Variants in PRMT8 observed in about 807,000 individuals in gnomAD.
PRMT8 encodes protein arginine N-methyltransferase 8.
PRMT8 carries 7 observed loss-of-function variants against 47.1 expected under a neutral mutation model. That is an observed-to-expected ratio of 0.15 (90% CI 0.08 to 0.28). The LOEUF is 0.28. Among genes scored for constraint, PRMT8 ranks in the 10% least tolerant of loss-of-function variants. The probability of loss-of-function intolerance (pLI) is 1.00; values close to 1 mark genes in which losing one functional copy is unlikely to be tolerated. For missense variants in PRMT8, 237 were observed against 505.4 expected (o/e 0.47, Z 5.09); for synonymous variants, 188 against 186.5 (o/e 1.01, Z -0.07).
At chr12:3,382,745 C>T (rs567134701) in intron 1 of PRMT8, among the ~76,000 whole-genome samples, 1 of 152,066 alleles carries the variant, frequency 6.6e-6, no homozygotes, top group Non-Finnish European at 1.5e-5. Context: ...TCAATTTTTC[C>T]TTTTATGAAA....
At chr12:3,485,621 T>C in intron 1 of PRMT8, among the ~76,000 whole-genome samples, 1 of 152,202 alleles carries the variant, frequency 6.6e-6, no homozygotes, top group East Asian at 1.9e-4. Context: ...ATAACTTGGA[T>C]CTACATGTAG....
intron 2 of PRMT8, among the ~76,000 whole-genome samples, chr12:3,541,013 C>G (rs1866218820): frequency 6.6e-6 from 1 of 152,172 alleles, no homozygotes; most frequent in African/African-American, 2.4e-5. Flanking sequence ...CTGTATACTC[C>G]ACAGCCAGAG....
chr12:3,437,304 A>G (rs894519594), intron 1 of PRMT8, among the ~76,000 whole-genome samples: 2 of 152,116 alleles, frequency 1.3e-5, no homozygotes, highest in Non-Finnish European at 2.9e-5. Flanking sequence ...ATTTATTTAT[A>G]ATAGCTACAT....
rs1020017311 is a variant in PRMT8, at chr12:3,593,639, T to G, written c.*457T>G. The G allele has an allele frequency of 5.0e-6, 1 of 198,360 alleles. No homozygotes were observed. The highest frequency in any genetic ancestry group is 2.4e-5 in the African/African-American group (1 of 41,766). The allele number at this position is 198,360 out of a possible 1,614,324, so 12.3% of individuals were successfully genotyped here. On this transcript the variant is annotated 3_prime_UTR_variant, in exon 10 of 10. Transcript: ENST00000382622. The surrounding 1 kb of genome is among the most constrained non-coding windows in gnomAD (Gnocchi z 4.8). ...GTGCGTGTGCGTGCATGTGTGAATG[T>G]GAGCAGCATAGTTGATATTTACCCA...
intron 1 of PRMT8, among the ~76,000 whole-genome samples, chr12:3,423,722 C>T (rs191241661): frequency 9.8e-5 from 15 of 152,288 alleles, no homozygotes; most frequent in Admixed American, 2.0e-4. Context: ...TGGGTCCACA[C>T]GGTTTGTAAC....
At position 3,526,786 on chromosome 12, in the gene PRMT8, G is replaced by C. The variant is rs546046469; in HGVS notation, c.76-13820G>C. 8.5e-5 allele frequency among the ~76,000 whole-genome samples: 13 copies of C among 152,176 alleles called. No individual in the cohort carries two copies. In the South Asian group the frequency reaches 2.7e-3, roughly 32 times the overall value. ...ATTTGTTCTGAAATATACATTGTTTGATATTAATATAGCTATTCTAGGTTT... is the reference window on the plus strand; with the variant it reads ...ATTTGTTCTGAAATATACATTGTTTCATATTAATATAGCTATTCTAGGTTT... On this transcript the variant is annotated intron_variant, in intron 1 of 9. Transcript: ENST00000382622.
Position 3,398,067 on chromosome 12 carries a change from GCGCAC to G in PRMT8, c.48+16626_48+16630del, listed in dbSNP as rs1402327113. ...GCAATGCCTCGCCCTGCTTCGGCTC[GCGCAC>G]GGTGCGCGCACCCACTGACCTGCGC... is the stretch of plus-strand genomic sequence containing the variant. On this transcript the variant is annotated intron_variant, in intron 1 of 9. Transcript: ENST00000452611. 5.3e-5 allele frequency among the ~76,000 whole-genome samples: 8 copies of G among 152,066 alleles called. No homozygotes were observed. In the East Asian group the frequency reaches 1.2e-3, roughly 22 times the overall value.
At chr12:3,516,639 T>G (rs979069139) in intron 1 of PRMT8, among the ~76,000 whole-genome samples, 3 of 152,166 alleles carry the variant, frequency 2.0e-5, no homozygotes, top group Non-Finnish European at 4.4e-5. Context: ...GACATTTGAA[T>G]AAAGACTTGA....
intron 1 of PRMT8, among the ~76,000 whole-genome samples, chr12:3,483,614 C>G (rs1865295219): frequency 6.6e-6 from 1 of 152,186 alleles, no homozygotes; most frequent in African/African-American, 2.4e-5. Flanking sequence ...GCTGGCTTCT[C>G]CAGCAACCTG....
rs142777275 is a variant in PRMT8 at position 3,431,467 on chromosome 12, C to G, written c.48+50025C>G. The stretch of plus-strand genomic sequence containing the variant: ...AGATGATGTTCACTGTGATGAGGAG[C>G]GTGGGAGGTCAGGATCAAGGAGTCA... On this transcript the variant is annotated intron_variant, in intron 1 of 9. Coordinates refer to the PRMT8 transcript ENST00000452611. Among the ~76,000 whole-genome samples, 46 of 152,014 alleles carry G rather than the reference C, an allele frequency of 3.0e-4. 1 individual carries two copies. Among genetic ancestry groups the G allele is most frequent in the Middle Eastern group, 6.8e-3 (2 of 292 alleles).
chr12:3,435,049 A>G (rs751797709), intron 1 of PRMT8, among the ~76,000 whole-genome samples: 2 of 148,426 alleles, frequency 1.3e-5, no homozygotes, highest in Non-Finnish European at 3.0e-5. Flanking sequence ...GCTCATTTCA[A>G]CCTCTACCTC....
intron 5 of PRMT8, 127 bp downstream of exon 5, chr12:3,568,975 G>A (rs924348530): frequency 2.2e-5 from 28 of 1,291,094 alleles, no homozygotes; most frequent in Non-Finnish European, 2.8e-5. Context: ...ACTGCCCCAA[G>A]CCCCTCTCTC....
chr12:3,453,906 A>G lies in PRMT8; in HGVS notation c.48+72464A>G, dbSNP rs1218735261. 2.0e-5 allele frequency among the ~76,000 whole-genome samples: 3 copies of G among 152,166 alleles called. No homozygotes were observed. The highest frequency in any genetic ancestry group is 7.2e-5 in the African/African-American group (3 of 41,440). ...GGTGCAGCCTTGTCCTCAGCGTTCA[A>G]CACGGGGTGCCTCGTGTGCTCCTCA... On this transcript the variant is annotated intron_variant, in intron 1 of 9. Coordinates refer to the PRMT8 transcript ENST00000452611. This position sits in a 1 kb window ranked among gnomAD's most constrained non-coding sequence, Gnocchi z 4.9.
chr12:3,586,138 C>T (rs1428272753), intron 8 of PRMT8, among the ~76,000 whole-genome samples: 1 of 152,116 alleles, frequency 6.6e-6, no homozygotes, highest in Non-Finnish European at 1.5e-5. Context: ...TATTTCTAGT[C>T]TCCAAAGTCA....
chr12:3,404,444 G>A (rs1864352860), intron 1 of PRMT8, among the ~76,000 whole-genome samples: 1 of 152,150 alleles, frequency 6.6e-6, no homozygotes. Flanking sequence ...TTATCGCTAA[G>A]TGAACATACT....
chr12:3,423,942 G>A (rs559168886), intron 1 of PRMT8, among the ~76,000 whole-genome samples: 2 of 152,226 alleles, frequency 1.3e-5, no homozygotes, highest in Non-Finnish European at 2.9e-5. Flanking sequence ...TTTGAGCCGG[G>A]AATTCGTCAG....
At chr12:3,577,297 G>A (rs558461659) in intron 7 of PRMT8, among the ~76,000 whole-genome samples, 16 of 152,346 alleles carry the variant, frequency 1.1e-4, no homozygotes, top group East Asian at 5.8e-4. Context: ...AGAGGAGAGC[G>A]TGCTCAGGTT....
At chr12:3,590,791 A>G (rs1228089135) in intron 8 of PRMT8, among the ~76,000 whole-genome samples, 2 of 152,122 alleles carry the variant, frequency 1.3e-5, no homozygotes, top group African/African-American at 2.4e-5. Flanking sequence ...TTGAAGCACT[A>G]CAGACATTTG....
In PRMT8 at chr12:3,592,369, A is replaced by G; in HGVS notation, c.1101+17A>G. The G allele has an allele frequency of 6.3e-7, 1 of 1,599,376 alleles. No homozygotes were observed. The highest frequency in any genetic ancestry group is 8.5e-7 in the Non-Finnish European group (1 of 1,173,990). ...AAAAATGTGGTAAGTGCCGAGGGAC[A>G]TAAGGACATAAGGGAGAAGGGCCCC... On this transcript the variant is annotated intron_variant, in intron 9 of 9. Transcript: ENST00000382622.
Sources: gnomAD v4.1 joint callset for allele counts (sites outside exome capture counted in the v4.1 genomes callset) on GRCh38, gnomAD v4.1.1 for gene constraint, Gnocchi (gnomAD v3.1) non-coding constraint, MANE v1.5 for transcripts, NCBI Gene and HGNC (gene_info 2026-07-23, HGNC 2026-07-21) for gene names.